Variants in HMCES observed in about 807,000 individuals in gnomAD.
The protein encoded by HMCES is abasic site processing protein HMCES.
In HMCES, 27 loss-of-function variants were observed where a neutral mutation model predicts 35.1. That is an observed-to-expected ratio of 0.77 (90% CI 0.57 to 1.06). HMCES has a LOEUF of 1.06. Ranked by LOEUF, HMCES falls within the 50% of genes least tolerant of loss-of-function variation. HMCES has a pLI of 0.00. For synonymous variants in HMCES, 130 were observed against 154.7 expected (o/e 0.84, Z 1.18); for missense variants, 391 against 430.4 (o/e 0.91, Z 0.81).
chr3:129,279,867 T>G lies in HMCES; in HGVS notation c.135T>G (p.Ser45Arg). Residue 45 changes from serine to arginine, a missense_variant, in exon 2 of 7, where the codon AGT (serine) becomes AGG (arginine). By Grantham distance (110) the Ser-to-Arg change is moderately radical (BLOSUM62 -1). Coordinates refer to ENST00000383463, the MANE Select transcript of HMCES (RefSeq NM_020187.3). This position sits in a 1 kb window ranked among gnomAD's most constrained non-coding sequence, Gnocchi z 4.2. ...PDKYCPSYNK[S>R]PQSNSPVLLS... is the part of the protein sequence containing the mutation. Reference sequence around the variant, plus strand: ...AGTACTGCCCCTCTTACAACAAGAGTCCTCAATCCAACAGCCCAGTGCTTC... The same window carrying G: ...AGTACTGCCCCTCTTACAACAAGAGGCCTCAATCCAACAGCCCAGTGCTTC... 6.2e-7 allele frequency: 1 copy of G among 1,608,956 alleles called. No individual in the cohort carries two copies. Among genetic ancestry groups the G allele is most frequent in the Non-Finnish European group, 8.5e-7 (1 of 1,178,232 alleles).
rs34382705 is a variant in HMCES at position 129,299,648 on chromosome 3, CTTTT to C, written c.635+1131_635+1134del. ...TTTTGTATGAACCTTATAGGTGCTT[CTTTT>C]TTTTTTTTTTTTTTTTTGAGACAGA... On this transcript the variant is annotated intron_variant, in intron 5 of 6. Coordinates refer to ENST00000383463, the MANE Select transcript of HMCES (RefSeq NM_020187.3). Among the ~76,000 whole-genome samples the C allele has an allele frequency of 2.9e-4, 32 of 110,096 alleles. 1 individual carries two copies. Among genetic ancestry groups the C allele is most frequent in the Admixed American group, 1.0e-3 (10 of 9,624 alleles). The allele number at this position is 110,096 out of a possible 152,430, so 72.2% of individuals were successfully genotyped here.
Position 129,288,891 on chromosome 3 carries a change from G to A in HMCES, c.221G>A (p.Arg74His), listed in dbSNP as rs144761816. ...DSSERIIAPM[R>H]WGLVPSWFKE... The stretch of plus-strand genomic sequence containing the variant: ...TCTGAGCGTATCATTGCTCCCATGC[G>A]CTGGGGCTTGGTCCCTTCTTGGTTC... The change falls in exon 3 of 7, where the codon CGC becomes CAC. Residue 74 changes from arginine (R) to histidine (H), a missense_variant. Physicochemically the swap from Arg to His is conservative, Grantham distance 29 (BLOSUM62 0). Coordinates refer to ENST00000383463, the MANE Select transcript of HMCES (RefSeq NM_020187.3). 3.1e-5 allele frequency: 50 copies of A among 1,591,894 alleles called. No individual in the cohort carries two copies. In the East Asian group the frequency reaches 5.2e-4, roughly 16 times the overall value.
chr3:129,288,089 T>C (rs1340739913), intron 2 of HMCES, among the ~76,000 whole-genome samples: 1 of 151,852 alleles, frequency 6.6e-6, no homozygotes, highest in Non-Finnish European at 1.5e-5. Flanking sequence ...ATTCGAGACC[T>C]GCCTGAGGAA....
chr3:129,292,707 A>G (rs2071037790), intron 4 of HMCES, among the ~76,000 whole-genome samples: 1 of 151,376 alleles, frequency 6.6e-6, no homozygotes, highest in Non-Finnish European at 1.5e-5. Context: ...AATGGTCTCA[A>G]TCTCCTGACC....
At chr3:129,298,759 C>T (rs1262981579) in intron 5 of HMCES, among the ~76,000 whole-genome samples, 3 of 152,080 alleles carry the variant, frequency 2.0e-5, no homozygotes, top group African/African-American at 7.2e-5. Flanking sequence ...GGAGACAACA[C>T]TTAAAATGTT....
At chr3:129,302,723 A>G (rs1258623515) in intron 6 of HMCES, among the ~76,000 whole-genome samples, 1 of 152,006 alleles carries the variant, frequency 6.6e-6, no homozygotes, top group Admixed American at 6.5e-5. Context: ...TTCAAAAAAA[A>G]GAAGCTTCAG....
At chr3:129,281,324 T>C (rs1940474835) in intron 2 of HMCES, among the ~76,000 whole-genome samples, 2 of 152,224 alleles carry the variant, frequency 1.3e-5, no homozygotes, top group South Asian at 2.1e-4. Flanking sequence ...GTACATACTC[T>C]TTAAACTTTT....
At chr3:129,280,749 T>C (rs1354265496) in intron 2 of HMCES, among the ~76,000 whole-genome samples, 5 of 152,228 alleles carry the variant, frequency 3.3e-5, no homozygotes, top group Non-Finnish European at 2.9e-5. Flanking sequence ...ATTGTGTTTA[T>C]AGTATTTATC....
At chr3:129,280,342 T>TG in intron 2 of HMCES, among the ~76,000 whole-genome samples, 1 of 151,992 alleles carries the variant, frequency 6.6e-6, no homozygotes, top group Non-Finnish European at 1.5e-5. Context: ...GCCTAGGAGT[T>TG]GGAGACCAGC....
intron 4 of HMCES, among the ~76,000 whole-genome samples, chr3:129,295,532 G>A (rs778747322): frequency 5.3e-5 from 8 of 151,926 alleles, no homozygotes; most frequent in Non-Finnish European, 1.2e-4. Flanking sequence ...ACACCCATTA[G>A]TAGTCACTTT....
intron 2 of HMCES, among the ~76,000 whole-genome samples, chr3:129,284,914 G>A (rs1560072991): frequency 6.6e-6 from 1 of 152,062 alleles, no homozygotes; most frequent in Non-Finnish European, 1.5e-5. Context: ...TCCATCTCAA[G>A]AAAAAGAGAA....
intron 4 of HMCES, among the ~76,000 whole-genome samples, chr3:129,296,508 C>T (rs1442209405): frequency 1.3e-5 from 2 of 152,056 alleles, no homozygotes; most frequent in Non-Finnish European, 2.9e-5. Context: ...CTGATAATTT[C>T]AGCATCTGGG....
In HMCES at chr3:129,304,845, A is replaced by C; in HGVS notation, c.*20A>C. The stretch of plus-strand genomic sequence containing the variant: ...CAGTGACACAGGACTTTCAGAGACC[A>C]AGGCCAGGGTCTGCTGCACTGCTGT... On this transcript the variant is annotated 3_prime_UTR_variant, in exon 7 of 7. Coordinates refer to ENST00000383463, the MANE Select transcript of HMCES (RefSeq NM_020187.3). The C allele has an allele frequency of 1.9e-6, 3 of 1,570,992 alleles. No homozygotes were observed. Among genetic ancestry groups the C allele is most frequent in the South Asian group, 1.1e-5 (1 of 90,082 alleles).
intron 2 of HMCES, among the ~76,000 whole-genome samples, chr3:129,282,817 C>T (rs1940534894): frequency 6.6e-6 from 1 of 152,188 alleles, no homozygotes; most frequent in Non-Finnish European, 1.5e-5. Flanking sequence ...ACCAGGTGTT[C>T]TGTTCAGAAG....
At chr3:129,290,048 G>A (rs1039698402) in intron 3 of HMCES, among the ~76,000 whole-genome samples, 6 of 151,818 alleles carry the variant, frequency 4.0e-5, no homozygotes, top group African/African-American at 1.2e-4. Flanking sequence ...TTAGCCGGGC[G>A]TGGTGGCGGA....
intron 4 of HMCES, among the ~76,000 whole-genome samples, chr3:129,297,808 T>G (rs2071112157): frequency 6.6e-6 from 1 of 152,196 alleles, no homozygotes; most frequent in Non-Finnish European, 1.5e-5. Context: ...GACTTACCTC[T>G]CTGATGAGTT....
Position 129,305,017 on chromosome 3 carries a change from G to A in HMCES, c.*192G>A, listed in dbSNP as rs975884254. On this transcript the variant is annotated 3_prime_UTR_variant, in exon 7 of 7. Coordinates refer to ENST00000383463, the MANE Select transcript of HMCES (RefSeq NM_020187.3). ...GGGCTGGTGGACAGCTTTGGAAGAG[G>A]TGTCCTGCTGCTGTTACCAGCCATG... 2 of 594,340 alleles carry A rather than the reference G, an allele frequency of 3.4e-6. No individual in the cohort carries two copies. The highest frequency in any genetic ancestry group is 2.8e-5 in the East Asian group (1 of 35,842). 36.8% of individuals were successfully genotyped at this position (594,340 alleles called of 1,614,324 possible). A position where few individuals can be genotyped will look rare whatever the true frequency, so the allele number is the denominator to read the frequency against.
chr3:129,279,942 C>CTGT lies in HMCES; in HGVS notation c.183+27_183+28insTGT. The CTGT allele has an allele frequency of 6.6e-7, 1 of 1,504,992 alleles. No individual in the cohort carries two copies. The highest frequency in any genetic ancestry group is 8.9e-7 in the Non-Finnish European group (1 of 1,127,040). 93.2% of individuals were successfully genotyped at this position (1,504,992 alleles called of 1,614,324 possible). A position where few individuals can be genotyped will look rare whatever the true frequency, so the allele number is the denominator to read the frequency against. On this transcript the variant is annotated intron_variant, in intron 2 of 6. Coordinates refer to ENST00000383463, the MANE Select transcript of HMCES (RefSeq NM_020187.3). The surrounding 1 kb of genome is among the most constrained non-coding windows in gnomAD (Gnocchi z 4.2). The stretch of plus-strand genomic sequence containing the variant: ...TAACCAGCATTGCACTATGCTAGCC[C>CTGT]CTCGCCCAGCCTCGTGATGGTCATC...
At chr3:129,292,236 G>A (rs2107691748) in intron 4 of HMCES, among the ~76,000 whole-genome samples, 1 of 152,196 alleles carries the variant, frequency 6.6e-6, no homozygotes, top group South Asian at 2.1e-4. Context: ...GTTCTTAGCA[G>A]TTTGCTTGTT....
Sources: allele counts gnomAD v4.1 joint callset (sites outside exome capture counted in the v4.1 genomes callset), GRCh38; gene constraint gnomAD v4.1.1; non-coding constraint Gnocchi (gnomAD v3.1); transcripts MANE v1.5; gene names NCBI Gene and HGNC (gene_info 2026-07-23, HGNC 2026-07-21).